STRN: variants seen among roughly 807,000 people sequenced by gnomAD.
The protein encoded by STRN is striatin.
Under a neutral mutation model 96.3 loss-of-function variants are expected in STRN, and 53 were observed. The ratio of observed to expected loss-of-function variants is 0.55; its 90% CI spans 0.44 to 0.69. The LOEUF is 0.69. STRN is among the 30% of genes least tolerant of loss of function. The probability of loss-of-function intolerance (pLI) is 0.00; values close to 1 mark genes in which losing one functional copy is unlikely to be tolerated. For synonymous variants in STRN, 428 were observed against 355.9 expected (o/e 1.20, Z -2.28); for missense variants, 987 against 963.9 (o/e 1.02, Z -0.32).
intron 3 of STRN, among the ~76,000 whole-genome samples, chr2:36,912,764 C>G (rs1327206632): frequency 6.6e-6 from 1 of 152,124 alleles, no homozygotes; most frequent in Non-Finnish European, 1.5e-5. Flanking sequence ...CCCATATACT[C>G]AACTGTCTAC....
At chr2:36,894,637 G>A (rs1213892547) in intron 6 of STRN, among the ~76,000 whole-genome samples, 2 of 152,138 alleles carry the variant, frequency 1.3e-5, no homozygotes, top group African/African-American at 4.8e-5. Context: ...TAGGATGCTA[G>A]GTTTGCATTT....
At chr2:36,855,000 T>A (rs1290065129) in intron 15 of STRN, among the ~76,000 whole-genome samples, 4 of 152,190 alleles carry the variant, frequency 2.6e-5, no homozygotes, top group Non-Finnish European at 4.4e-5. Flanking sequence ...ACAGCTCAAA[T>A]GCTATTTCAA....
At chr2:36,920,997 C>T (rs1220800699) in intron 2 of STRN, among the ~76,000 whole-genome samples, 1 of 151,904 alleles carries the variant, frequency 6.6e-6, no homozygotes, top group Non-Finnish European at 1.5e-5. Context: ...ATGGCTTGAA[C>T]CCAGGAGGCA....
At chr2:36,916,533 TGTA>T (rs768405207) in intron 2 of STRN, among the ~76,000 whole-genome samples, 1 of 152,004 alleles carries the variant, frequency 6.6e-6, no homozygotes, top group Non-Finnish European at 1.5e-5. Flanking sequence ...GAAATAAATT[TGTA>T]GAAGACTTTT....
intron 1 of STRN, among the ~76,000 whole-genome samples, chr2:36,933,282 T>C (rs1670620562): frequency 6.6e-6 from 1 of 152,342 alleles, no homozygotes; most frequent in African/African-American, 2.4e-5. Flanking sequence ...GCATAGTTTA[T>C]ATGCAAATAC....
intron 6 of STRN, among the ~76,000 whole-genome samples, chr2:36,898,985 G>T (rs963762287): frequency 6.6e-6 from 1 of 152,034 alleles, no homozygotes; most frequent in African/African-American, 2.4e-5. Flanking sequence ...GAAAGAAGTG[G>T]CTACTTCGAG....
chr2:36,943,935 G>A (rs1264920957), intron 1 of STRN, among the ~76,000 whole-genome samples: 4 of 151,648 alleles, frequency 2.6e-5, no homozygotes, highest in African/African-American at 9.7e-5. Flanking sequence ...TGGCCAACAT[G>A]GTGAAACCCC....
intron 10 of STRN, among the ~76,000 whole-genome samples, chr2:36,871,204 T>C (rs762035436): frequency 6.6e-6 from 1 of 152,222 alleles, no homozygotes; most frequent in Non-Finnish European, 1.5e-5. Context: ...GTACAGTGTT[T>C]ACAAAGTCAA....
chr2:36,959,988 T>C (rs1664988139), intron 1 of STRN, among the ~76,000 whole-genome samples: 1 of 152,180 alleles, frequency 6.6e-6, no homozygotes, highest in African/African-American at 2.4e-5. Context: ...GGATACGTTT[T>C]AAAAGATTAA....
intron 2 of STRN, among the ~76,000 whole-genome samples, chr2:36,917,040 T>C (rs541881787): frequency 8.7e-6 from 1 of 114,534 alleles, no homozygotes; most frequent in South Asian, 2.5e-4. Flanking sequence ...CCAAGAATGA[T>C]CAATAAAAAA....
Position 36,849,922 on chromosome 2 carries a change from T to C in STRN, c.2087-122A>G. 3 of 902,968 alleles carry C rather than the reference T, an allele frequency of 3.3e-6. No individual in the cohort carries two copies. The South Asian group carries it at 4.7e-5, about 14-fold the overall frequency. The allele number at this position is 902,968 out of a possible 1,614,324, so 55.9% of individuals were successfully genotyped here. A position where few individuals can be genotyped will look rare whatever the true frequency, so the allele number is the denominator to read the frequency against. On this transcript the variant is annotated intron_variant, in intron 16 of 17. Coordinates refer to ENST00000263918, the MANE Select transcript of STRN (RefSeq NM_003162.4). The stretch of plus-strand genomic sequence containing the variant: ...TCTGTGTGCTTACTGTATTAATAGC[T>C]TTTTCCATCACCTAAAACAACATGT...
intron 2 of STRN, 73 bp from the exon 3 acceptor site, chr2:36,916,224 C>G: frequency 1.5e-6 from 2 of 1,310,366 alleles, no homozygotes; most frequent in Non-Finnish European, 2.2e-6. Context: ...GTAGTAGTCA[C>G]AAGAATTCAG....
At position 36,877,202 on chromosome 2, in the gene STRN, T is replaced by C. The variant is rs190521400; in HGVS notation, c.1323+689A>G. ...TCCATGCCTACTACTAATTAAAATCTCTTCTCAACAGGATATTGACTAGTG... is the reference window on the plus strand; with the variant it reads ...TCCATGCCTACTACTAATTAAAATCCCTTCTCAACAGGATATTGACTAGTG... On this transcript the variant is annotated intron_variant, in intron 10 of 17. Coordinates refer to ENST00000263918, the MANE Select transcript of STRN (RefSeq NM_003162.4). Among the ~76,000 whole-genome samples the C allele has an allele frequency of 1.9e-3, 286 of 152,342 alleles. 2 individuals are homozygous for C. The highest frequency in any genetic ancestry group is 6.7e-3 in the African/African-American group (280 of 41,570).
At chr2:36,879,977 A>T (rs1208495489) in intron 9 of STRN, among the ~76,000 whole-genome samples, 3 of 151,826 alleles carry the variant, frequency 2.0e-5, no homozygotes, top group Non-Finnish European at 4.4e-5. Context: ...AAAAAAAAAA[A>T]AAAATCTGAG....
At chr2:36,870,008 GGAT>G (rs1364110178) in intron 10 of STRN, among the ~76,000 whole-genome samples, 1 of 151,958 alleles carries the variant, frequency 6.6e-6, no homozygotes, top group Admixed American at 6.6e-5. Context: ...GATCTTACTA[GGAT>G]GATAAATAAT....
chr2:36,920,084 T>C (rs1331064178), intron 2 of STRN, among the ~76,000 whole-genome samples: 1 of 111,092 alleles, frequency 9.0e-6, no homozygotes, highest in Non-Finnish European at 1.9e-5. Flanking sequence ...ACAGCTGAAA[T>C]GAATTACAAG....
In STRN at chr2:36,848,556, T is replaced by C. The variant is rs1481345371; in HGVS notation, c.*900A>G. The C allele has an allele frequency of 6.6e-6, 1 of 152,200 alleles. No individual in the cohort carries two copies. Among genetic ancestry groups the C allele is most frequent in the Non-Finnish European group, 1.5e-5 (1 of 68,030 alleles). 9.4% of individuals were successfully genotyped at this position (152,200 alleles called of 1,614,324 possible). ...TCTTTTCAGTCACTGAAAAGTAAGATTTCATTGGTATGAAATAATCACTCT... is the reference window on the plus strand; with the variant it reads ...TCTTTTCAGTCACTGAAAAGTAAGACTTCATTGGTATGAAATAATCACTCT... On this transcript the variant is annotated 3_prime_UTR_variant, in exon 18 of 18. Transcript: ENST00000263918.
At chr2:36,946,745 C>A (rs1043606549) in intron 1 of STRN, among the ~76,000 whole-genome samples, 1 of 152,068 alleles carries the variant, frequency 6.6e-6, no homozygotes, top group Admixed American at 6.5e-5. Flanking sequence ...TTTCTTCTAA[C>A]GTAAAATTTA....
At position 36,906,293 on chromosome 2, in the gene STRN, T is replaced by C. The variant is rs184873067; in HGVS notation, c.413-675A>G. On this transcript the variant is annotated intron_variant, in intron 3 of 17. Coordinates refer to ENST00000263918, the MANE Select transcript of STRN (RefSeq NM_003162.4). ...AGCCTGGGCAACATGGAGTAAACCC[T>C]GTCTCTACAAAAAAAATTATCTGGG... 1.2e-4 allele frequency among the ~76,000 whole-genome samples: 18 copies of C among 151,462 alleles called. No individual in the cohort carries two copies. In the East Asian group the frequency reaches 3.5e-3, roughly 30 times the overall value.
Sources: allele counts gnomAD v4.1 joint callset (sites outside exome capture counted in the v4.1 genomes callset), GRCh38; gene constraint gnomAD v4.1.1; transcripts MANE v1.5; gene names NCBI Gene and HGNC (gene_info 2026-07-23, HGNC 2026-07-21).